The following FBXO33 variants were observed in gnomAD, a reference collection of about 807,000 sequenced individuals.
FBXO33 encodes the protein F-box only protein 33.
A neutral mutation model predicts 46.3 loss-of-function variants in FBXO33; 22 were observed. The observed-to-expected ratio is 0.48, with a 90% CI of 0.34 to 0.68. The LOEUF is 0.68. Among genes scored for constraint, FBXO33 ranks in the 30% least tolerant of loss-of-function variants. FBXO33 has a pLI of 0.01. For synonymous variants in FBXO33, 337 were observed against 291.3 expected (o/e 1.16, Z -1.60); for missense variants, 692 against 708.8 (o/e 0.98, Z 0.27).
At chr14:39,421,780 T>TCA (rs10582893) in intron 1 of FBXO33, among the ~76,000 whole-genome samples, 2,893 of 149,144 alleles carry the variant, frequency 0.019, 44 homozygotes, top group Middle Eastern at 0.048. Context: ...TGAGTACAAA[T>TCA]CACACACACA....
At chr14:39,429,667 T>C (rs1357788835) in intron 1 of FBXO33, among the ~76,000 whole-genome samples, 3 of 152,206 alleles carry the variant, frequency 2.0e-5, no homozygotes, top group African/African-American at 7.2e-5. Context: ...AGAATGAATA[T>C]GCTACCAAAG....
Position 39,401,074 on chromosome 14 carries a change from C to A in FBXO33, c.1396+102G>T, listed in dbSNP as rs373322914. The A allele has an allele frequency of 9.5e-5, 102 of 1,069,436 alleles. No homozygotes were observed. The African/African-American group carries it at 1.5e-3, about 16-fold the overall frequency. 66.2% of individuals were successfully genotyped at this position (1,069,436 alleles called of 1,614,324 possible). A position where few individuals can be genotyped will look rare whatever the true frequency, so the allele number is the denominator to read the frequency against. ...TAAGAATCTGTATATCAACTTGATA[C>A]AAGATTTCTTGATACTATAAAGGTC... On this transcript the variant is annotated intron_variant, in intron 3 of 3. Coordinates refer to ENST00000298097, the MANE Select transcript of FBXO33 (RefSeq NM_203301.4).
intron 1 of FBXO33, among the ~76,000 whole-genome samples, chr14:39,422,255 C>T (rs8003397): frequency 0.26 from 40,238 of 152,074 alleles, 5,574 homozygotes; most frequent in East Asian, 0.51. Flanking sequence ...TAGACTCCAT[C>T]TCCAATAAAA....
intron 1 of FBXO33, among the ~76,000 whole-genome samples, chr14:39,429,684 G>T (rs2075533537): frequency 6.6e-6 from 1 of 152,182 alleles, no homozygotes; most frequent in South Asian, 2.1e-4. Context: ...AAAGCAGCAT[G>T]ACATACAACA....
chr14:39,419,468 A>G (rs2075469409), intron 1 of FBXO33, among the ~76,000 whole-genome samples: 1 of 152,216 alleles, frequency 6.6e-6, no homozygotes, highest in Non-Finnish European at 1.5e-5. Flanking sequence ...GTGGCTCATT[A>G]TTGTTTCAGA....
At chr14:39,419,957 A>C (rs1452703918) in intron 1 of FBXO33, among the ~76,000 whole-genome samples, 2 of 152,226 alleles carry the variant, frequency 1.3e-5, no homozygotes, top group Non-Finnish European at 2.9e-5. Flanking sequence ...AGCATGCAAA[A>C]GGCCATATAC....
At chr14:39,408,362 T>C (rs1022875296) in intron 1 of FBXO33, among the ~76,000 whole-genome samples, 6 of 152,218 alleles carry the variant, frequency 3.9e-5, no homozygotes, top group African/African-American at 1.4e-4. Context: ...TGGAGGCCAT[T>C]TGTATGTCTT....
intron 1 of FBXO33, among the ~76,000 whole-genome samples, chr14:39,425,503 AC>A (rs542659137): frequency 6.3e-4 from 96 of 152,350 alleles, no homozygotes; most frequent in Non-Finnish European, 1.2e-3. Context: ...ATGACATATA[AC>A]TTTTTTCCTT....
chr14:39,432,304 C>T lies in FBXO33; in HGVS notation c.-142G>A. The T allele has an allele frequency of 4.8e-6, 3 of 619,366 alleles. No individual in the cohort carries two copies. The highest frequency in any genetic ancestry group is 4.9e-5 in the Admixed American group (1 of 20,496). 38.4% of individuals were successfully genotyped at this position (619,366 alleles called of 1,614,324 possible). ...TGTCTTCTCAAACTCTACTCACGTG[C>T]GTCCGAGGCCGGCACACTGAGTAAC... On this transcript the variant is annotated 5_prime_UTR_variant, in exon 1 of 4. Transcript: ENST00000298097.
At chr14:39,401,049 T>A (rs1291700053) in intron 3 of FBXO33, 127 bp downstream of exon 3, 1 of 863,338 alleles carries the variant, frequency 1.2e-6, no homozygotes, top group African/African-American at 1.7e-5. Flanking sequence ...TTAAAAAGCA[T>A]AAGAATCTGT....
chr14:39,417,163 A>G (rs2139413351), intron 1 of FBXO33, among the ~76,000 whole-genome samples: 1 of 152,222 alleles, frequency 6.6e-6, no homozygotes, highest in Admixed American at 6.5e-5. Context: ...CCTTTTCCCA[A>G]TCTTGCAGAA....
intron 1 of FBXO33, among the ~76,000 whole-genome samples, chr14:39,404,939 G>C (rs2075386812): frequency 6.6e-6 from 1 of 151,884 alleles, no homozygotes; most frequent in African/African-American, 2.4e-5. Context: ...ACGAGGTCAG[G>C]AGTTCGAGAC....
chr14:39,403,568 G>C (rs1433804377), intron 1 of FBXO33, among the ~76,000 whole-genome samples: 2 of 152,068 alleles, frequency 1.3e-5, no homozygotes, highest in African/African-American at 2.4e-5. Flanking sequence ...AAGAAAACTA[G>C]AAAACTATGT....
At chr14:39,429,148 C>A (rs2075530993) in intron 1 of FBXO33, among the ~76,000 whole-genome samples, 1 of 152,180 alleles carries the variant, frequency 6.6e-6, no homozygotes, top group South Asian at 2.1e-4. Context: ...AAAGTTCACA[C>A]AATTCAAGTT....
chr14:39,426,229 G>A (rs948882279), intron 1 of FBXO33, among the ~76,000 whole-genome samples: 20 of 151,934 alleles, frequency 1.3e-4, no homozygotes, highest in African/African-American at 4.3e-4. Context: ...AATCGAGTGA[G>A]AAAGAAATGA....
Position 39,432,231 on chromosome 14 carries a change from G to A in FBXO33, c.-69C>T. 11 of 1,153,378 alleles carry A rather than the reference G, an allele frequency of 9.5e-6. No individual in the cohort carries two copies. The highest frequency in any genetic ancestry group is 1.2e-5 in the Non-Finnish European group (11 of 931,732). 71.4% of individuals were successfully genotyped at this position (1,153,378 alleles called of 1,614,324 possible). A position where few individuals can be genotyped will look rare whatever the true frequency, so the allele number is the denominator to read the frequency against. ...GGAACCAAGTAGAACACAAGTTGTG[G>A]AGAGGGGGAAAGGCCTCTGCGGGCG... On this transcript the variant is annotated 5_prime_UTR_variant, in exon 1 of 4. Transcript: ENST00000298097.
intron 1 of FBXO33, 81 bp from the exon 2 acceptor site, chr14:39,402,592 A>AG: frequency 1.7e-6 from 1 of 593,478 alleles, no homozygotes; most frequent in Non-Finnish European, 2.5e-6. Flanking sequence ...GAATATGCAA[A>AG]GGGGATATTC....
chr14:39,412,880 T>C (rs1218348331), intron 1 of FBXO33, among the ~76,000 whole-genome samples: 1 of 152,262 alleles, frequency 6.6e-6, no homozygotes, highest in Non-Finnish European at 1.5e-5. Context: ...TAAAAAACAC[T>C]TTATTGCTAA....
rs1042553752 is a variant in FBXO33, at chr14:39,399,170, TCCTGAGC to T, written c.*339_*345del. On this transcript the variant is annotated 3_prime_UTR_variant, in exon 4 of 4. Coordinates refer to ENST00000298097, the MANE Select transcript of FBXO33 (RefSeq NM_203301.4). ...TATATATGTATAAAAATATTTTGGC[TCCTGAGC>T]TCTGAACTCTGACACACAAAGAATA... The T allele has an allele frequency of 3.6e-5, 6 of 168,386 alleles. No homozygotes were observed. The highest frequency in any genetic ancestry group is 1.2e-4 in the African/African-American group (5 of 42,044). 10.4% of individuals were successfully genotyped at this position (168,386 alleles called of 1,614,324 possible).
Sources: gnomAD v4.1 joint callset for allele counts (sites outside exome capture counted in the v4.1 genomes callset) on GRCh38, gnomAD v4.1.1 for gene constraint, MANE v1.5 for transcripts, NCBI Gene and HGNC (gene_info 2026-07-23, HGNC 2026-07-21) for gene names.